ARHGAP24: variants seen among roughly 807,000 people sequenced by gnomAD.
ARHGAP24 encodes the protein Rho GTPase activating protein 24.
Under a neutral mutation model 76.4 loss-of-function variants are expected in ARHGAP24, and 50 were observed. The ratio of observed to expected loss-of-function variants is 0.65; its 90% CI spans 0.52 to 0.83. The LOEUF (loss-of-function observed/expected upper bound fraction) is 0.83. Among genes scored for constraint, ARHGAP24 ranks in the 40% least tolerant of loss-of-function variants. ARHGAP24 has a pLI of 0.00. For synonymous variants in ARHGAP24, 345 were observed against 323.3 expected (o/e 1.07, Z -0.72); for missense variants, 930 against 914.2 (o/e 1.02, Z -0.22).
intron 2 of ARHGAP24, among the ~76,000 whole-genome samples, chr4:85,676,283 C>T (rs1722977453): frequency 6.6e-6 from 1 of 152,214 alleles, no homozygotes; most frequent in East Asian, 1.9e-4. Context: ...AATGAGCAGT[C>T]CTGCTTGCAA....
intron 5 of ARHGAP24, among the ~76,000 whole-genome samples, chr4:85,946,566 G>A (rs1331877501): frequency 6.6e-6 from 1 of 152,130 alleles, no homozygotes; most frequent in Non-Finnish European, 1.5e-5. Flanking sequence ...CCACTTATAA[G>A]TGAGAACTTG....
At chr4:85,797,035 T>TGCGGAGCCA (rs1161336580) in intron 3 of ARHGAP24, among the ~76,000 whole-genome samples, 5 of 152,166 alleles carry the variant, frequency 3.3e-5, no homozygotes, top group Admixed American at 1.3e-4. Context: ...TGCAGGAGCC[T>TGCGGAGCCA]GCGGAGCCAG....
At chr4:85,678,919 T>C (rs1723098067) in intron 2 of ARHGAP24, among the ~76,000 whole-genome samples, 1 of 152,176 alleles carries the variant, frequency 6.6e-6, no homozygotes, top group Non-Finnish European at 1.5e-5. Flanking sequence ...AGGGAAAATT[T>C]CCCTTTATCC....
intron 3 of ARHGAP24, among the ~76,000 whole-genome samples, chr4:85,758,461 T>C (rs1726606360): frequency 6.6e-6 from 1 of 152,144 alleles, no homozygotes; most frequent in Non-Finnish European, 1.5e-5. Flanking sequence ...CTCCAGCTCA[T>C]GAGGAGCTGA....
intron 3 of ARHGAP24, among the ~76,000 whole-genome samples, chr4:85,756,041 AT>A (rs1245789225): frequency 1.1e-4 from 17 of 152,154 alleles, no homozygotes; most frequent in African/African-American, 4.1e-4. Flanking sequence ...AATGTTTAAG[AT>A]TATAATAGAT....
intron 1 of ARHGAP24, among the ~76,000 whole-genome samples, chr4:85,569,138 A>G (rs1238875549): frequency 6.6e-6 from 1 of 152,214 alleles, no homozygotes; most frequent in Non-Finnish European, 1.5e-5. Context: ...AAAAATAGTG[A>G]TGAATATAAA....
chr4:85,585,886 C>T (rs953221916), intron 2 of ARHGAP24, among the ~76,000 whole-genome samples: 3 of 152,296 alleles, frequency 2.0e-5, no homozygotes, highest in African/African-American at 4.8e-5. Context: ...TCTCTTTATC[C>T]TTTGCATCTA....
At chr4:85,541,433 G>A (rs890618771) in intron 1 of ARHGAP24, among the ~76,000 whole-genome samples, 6 of 120,974 alleles carry the variant, frequency 5.0e-5, no homozygotes, top group Non-Finnish European at 7.6e-5. Flanking sequence ...GATTACAGGC[G>A]TGAGCCACCG....
Position 85,717,958 on chromosome 4 carries a change from T to C in ARHGAP24, c.181-3927T>C, listed in dbSNP as rs115823564. ...GTCAACATATTACTTTCGAGTTAGA[T>C]TGGGCACCTGACTTGTACTTATTTA... On this transcript the variant is annotated intron_variant, in intron 2 of 9. Coordinates refer to ENST00000395184, the MANE Select transcript of ARHGAP24 (RefSeq NM_001025616.3). 5.5e-3 allele frequency among the ~76,000 whole-genome samples: 831 copies of C among 152,274 alleles called. 7 individuals are homozygous for C. Among genetic ancestry groups the C allele is most frequent in the African/African-American group, 0.018 (762 of 41,572 alleles).
chr4:85,480,237 T>C (rs1722757300), intron 1 of ARHGAP24, among the ~76,000 whole-genome samples: 1 of 152,194 alleles, frequency 6.6e-6, no homozygotes, highest in Non-Finnish European at 1.5e-5. Flanking sequence ...TCAAATTCTT[T>C]ATATAAGGAT....
At chr4:85,639,421 T>C (rs895651885) in intron 2 of ARHGAP24, among the ~76,000 whole-genome samples, 2 of 152,120 alleles carry the variant, frequency 1.3e-5, no homozygotes, top group African/African-American at 4.8e-5. Flanking sequence ...AGGCACCCGA[T>C]CTAAATCTCA....
intron 5 of ARHGAP24, among the ~76,000 whole-genome samples, chr4:85,966,742 C>T (rs1308495178): frequency 6.6e-6 from 1 of 152,022 alleles, no homozygotes; most frequent in Non-Finnish European, 1.5e-5. Context: ...GTACGTTCTC[C>T]CTGGAGGCTG....
intron 2 of ARHGAP24, among the ~76,000 whole-genome samples, chr4:85,605,692 C>T (rs891622526): frequency 1.3e-5 from 2 of 152,074 alleles, no homozygotes; most frequent in African/African-American, 2.4e-5. Flanking sequence ...ATATTATACA[C>T]GTGTATCGTG....
intron 5 of ARHGAP24, among the ~76,000 whole-genome samples, chr4:85,963,495 G>A (rs1014804669): frequency 8.6e-5 from 13 of 152,044 alleles, no homozygotes; most frequent in Non-Finnish European, 2.9e-5. Flanking sequence ...GTTTAAAAGA[G>A]TTTTATTCTG....
At chr4:85,576,405 G>T (rs1727378949) in intron 2 of ARHGAP24, among the ~76,000 whole-genome samples, 1 of 151,736 alleles carries the variant, frequency 6.6e-6, no homozygotes, top group Non-Finnish European at 1.5e-5. Context: ...ACTCCAGCCT[G>T]GGCGACAGAG....
intron 3 of ARHGAP24, among the ~76,000 whole-genome samples, chr4:85,812,002 C>T (rs995745243): frequency 2.2e-4 from 34 of 151,924 alleles, no homozygotes; most frequent in African/African-American, 7.7e-4. Context: ...ATGGTGAAAC[C>T]CCGTCTCTAC....
chr4:85,552,884 T>A (rs977032563), intron 1 of ARHGAP24, among the ~76,000 whole-genome samples: 8 of 152,346 alleles, frequency 5.3e-5, no homozygotes, highest in African/African-American at 1.7e-4. Flanking sequence ...TTTGAGCCTA[T>A]GGATGTCATT....
intron 8 of ARHGAP24, 49 bp downstream of exon 8, chr4:85,977,740 C>G: frequency 1.9e-6 from 3 of 1,602,066 alleles, no homozygotes; most frequent in South Asian, 1.1e-5. Flanking sequence ...AAGTAATTAT[C>G]TCTTGACTGG....
chr4:85,687,183 G>A (rs1176512353), intron 2 of ARHGAP24, among the ~76,000 whole-genome samples: 8 of 152,076 alleles, frequency 5.3e-5, no homozygotes, highest in Non-Finnish European at 1.0e-4. Context: ...TTGTAAAGAT[G>A]CTTAGTTTGG....
Sources: allele counts gnomAD v4.1 joint callset (sites outside exome capture counted in the v4.1 genomes callset), GRCh38; gene constraint gnomAD v4.1.1; transcripts MANE v1.5; gene names NCBI Gene and HGNC (gene_info 2026-07-23, HGNC 2026-07-21).